The following SHC3 variants were observed in gnomAD, a reference collection of about 807,000 sequenced individuals.
The protein encoded by SHC3 is SHC adaptor protein 3, also known as SHC-transforming protein 3.
In SHC3, 15 loss-of-function variants were observed where a neutral mutation model predicts 60.4. The ratio of observed to expected loss-of-function variants is 0.25; its 90% CI spans 0.17 to 0.38. The LOEUF is 0.38. Ranked by LOEUF, SHC3 falls within the 10% of genes least tolerant of loss-of-function variation. The pLI is 1.00. For synonymous variants in SHC3, 294 were observed against 325.9 expected, an observed-to-expected ratio of 0.90 and a Z score of 1.05; for missense variants, 677 against 786.1, an observed-to-expected ratio of 0.86 and a Z score of 1.66.
intron 7 of SHC3, among the ~76,000 whole-genome samples, chr9:89,048,241 TAAA>T (rs34217569): frequency 4.5e-5 from 6 of 133,958 alleles, no homozygotes; most frequent in Non-Finnish European, 6.3e-5. Flanking sequence ...AAGACTCCAT[TAAA>T]AAAAAAAAAA....
intron 7 of SHC3, 69 bp from the exon 8 acceptor site, chr9:89,047,063 T>C (rs527559838): frequency 7.0e-7 from 1 of 1,433,640 alleles, no homozygotes; most frequent in African/African-American, 1.4e-5. Context: ...ACAAATCTAA[T>C]GTTAGCGCCT....
chr9:89,005,875 T>C lies in SHC3; in HGVS notation c.*7572A>G, dbSNP rs548475219. On this transcript the variant is annotated 3_prime_UTR_variant, in exon 12 of 12. Transcript: ENST00000375835. ...TTTCTCTCAACCCTTGAGCCAGTTA[T>C]TCCACGCTGGTAAGACCCTTTCACA... 1 of 152,358 alleles carries C rather than the reference T, an allele frequency of 6.6e-6. No individual in the cohort carries two copies. The highest frequency in any genetic ancestry group is 1.9e-4 in the East Asian group (1 of 5,192). 9.4% of individuals were successfully genotyped at this position (152,358 alleles called of 1,614,324 possible). A position where few individuals can be genotyped will look rare whatever the true frequency, so the allele number is the denominator to read the frequency against.
intron 2 of SHC3, among the ~76,000 whole-genome samples, chr9:89,081,820 C>T (rs749618827): frequency 6.6e-5 from 10 of 152,296 alleles, no homozygotes; most frequent in Middle Eastern, 6.8e-3. Flanking sequence ...ACCTCCTCTC[C>T]TCCCTCCCTA....
intron 6 of SHC3, among the ~76,000 whole-genome samples, chr9:89,058,179 A>G (rs942847318): frequency 2.0e-5 from 3 of 152,158 alleles, no homozygotes; most frequent in Non-Finnish European, 4.4e-5. Context: ...CACAGCAAGG[A>G]AGACAATGTA....
intron 11 of SHC3, among the ~76,000 whole-genome samples, chr9:89,034,707 G>A (rs146010943): frequency 6.6e-6 from 1 of 152,262 alleles, no homozygotes; most frequent in East Asian, 1.9e-4. Context: ...AGACACTGTA[G>A]GAAATAATCT....
chr9:89,118,122 A>C (rs977122679), intron 1 of SHC3, among the ~76,000 whole-genome samples: 2 of 151,840 alleles, frequency 1.3e-5, no homozygotes, highest in Non-Finnish European at 2.9e-5. Context: ...ATTACAGTCT[A>C]TACTTTTCTT....
chr9:89,038,814 G>A (rs764081307), intron 10 of SHC3, among the ~76,000 whole-genome samples: 2 of 152,184 alleles, frequency 1.3e-5, no homozygotes, highest in African/African-American at 2.4e-5. Context: ...GAAAGCTGAC[G>A]GGTGTTGGGT....
At chr9:89,069,642 G>A (rs749620767) in intron 5 of SHC3, among the ~76,000 whole-genome samples, 3 of 152,236 alleles carry the variant, frequency 2.0e-5, no homozygotes. Context: ...AGTGCCCTTG[G>A]CTCAAGGGTC....
At chr9:89,055,924 C>A (rs1241252000) in intron 6 of SHC3, among the ~76,000 whole-genome samples, 1 of 152,304 alleles carries the variant, frequency 6.6e-6, no homozygotes, top group Non-Finnish European at 1.5e-5. Context: ...ATCATAAAAA[C>A]ATCTTTTAAA....
intron 1 of SHC3, among the ~76,000 whole-genome samples, chr9:89,176,645 A>C (rs1445409869): frequency 6.6e-6 from 1 of 152,270 alleles, no homozygotes; most frequent in African/African-American, 2.4e-5. Context: ...AACAAGAAGA[A>C]TATTCAGTAC....
At chr9:89,035,862 T>TATATATATATATATATATATATA (rs1491088730) in intron 11 of SHC3, among the ~76,000 whole-genome samples, 1 of 105,100 alleles carries the variant, frequency 9.5e-6, no homozygotes, top group Non-Finnish European at 1.8e-5. Flanking sequence ...TGTGTGTGTG[T>TATATATATATATATATATATATA]GTGTGTGTGT....
intron 6 of SHC3, among the ~76,000 whole-genome samples, chr9:89,057,858 G>A (rs1824981437): frequency 6.6e-6 from 1 of 152,276 alleles, no homozygotes; most frequent in Non-Finnish European, 1.5e-5. Context: ...TTACAGGTGT[G>A]GTTAAGTTAA....
intron 11 of SHC3, among the ~76,000 whole-genome samples, chr9:89,014,548 C>A (rs1340491857): frequency 6.6e-6 from 1 of 152,166 alleles, no homozygotes; most frequent in East Asian, 1.9e-4. Context: ...TGCTCTCCAG[C>A]CTTAGCAGTG....
At chr9:89,073,930 T>C (rs1825314004) in intron 4 of SHC3, among the ~76,000 whole-genome samples, 1 of 152,182 alleles carries the variant, frequency 6.6e-6, no homozygotes, top group African/African-American at 2.4e-5. Context: ...CTGAGCCTGG[T>C]GAATATTCAG....
At position 89,012,424 on chromosome 9, in the gene SHC3, T is replaced by C. The variant is rs1474928166; in HGVS notation, c.*1023A>G. The C allele has an allele frequency of 6.6e-6, 1 of 152,128 alleles. No individual in the cohort carries two copies. The highest frequency in any genetic ancestry group is 1.5e-5 in the Non-Finnish European group (1 of 68,020). The allele number at this position is 152,128 out of a possible 1,614,324, so 9.4% of individuals were successfully genotyped here. ...CAGTGACTCCTGGGTTTCTGGCACA[T>C]GCAGCCCCAGAAGCCTCAATACCTG... On this transcript the variant is annotated 3_prime_UTR_variant, in exon 12 of 12. Transcript: ENST00000375835.
chr9:89,122,687 G>A (rs1826108355), intron 1 of SHC3, among the ~76,000 whole-genome samples: 1 of 152,168 alleles, frequency 6.6e-6, no homozygotes, highest in Non-Finnish European at 1.5e-5. Context: ...ATGGGAAAGG[G>A]CCACCTAAGG....
intron 1 of SHC3, among the ~76,000 whole-genome samples, chr9:89,148,889 C>A (rs1259571423): frequency 1.3e-5 from 2 of 152,158 alleles, no homozygotes; most frequent in Non-Finnish European, 1.5e-5. Context: ...TATGACAAAG[C>A]CCTATAAAAC....
At chr9:89,157,043 C>T (rs1046384203) in intron 1 of SHC3, among the ~76,000 whole-genome samples, 3 of 152,198 alleles carry the variant, frequency 2.0e-5, no homozygotes, top group African/African-American at 4.8e-5. Context: ...TCTGGGAGGT[C>T]GGGTGTCAAG....
intron 1 of SHC3, among the ~76,000 whole-genome samples, chr9:89,164,823 T>C (rs1389744892): frequency 6.6e-6 from 1 of 152,168 alleles, no homozygotes; most frequent in East Asian, 1.9e-4. Flanking sequence ...TTGTTGATAT[T>C]TGAATACAGA....
Sources: allele counts gnomAD v4.1 joint callset (sites outside exome capture counted in the v4.1 genomes callset), GRCh38; gene constraint gnomAD v4.1.1; transcripts MANE v1.5; gene names NCBI Gene and HGNC (gene_info 2026-07-23, HGNC 2026-07-21).